The following CSMD3 variants were observed in gnomAD, a reference collection of about 807,000 sequenced individuals.
CSMD3 encodes the protein CUB and Sushi multiple domains 3.
CSMD3 carries 177 observed loss-of-function variants against 435.2 expected under a neutral mutation model. That is an observed-to-expected ratio of 0.41 (90% CI 0.36 to 0.46). The LOEUF (loss-of-function observed/expected upper bound fraction) is 0.46, where lower values mean the gene tolerates loss of function less well. Ranked by LOEUF, CSMD3 falls within the 20% of genes least tolerant of loss-of-function variation. CSMD3 has a pLI of 0.34. For missense variants in CSMD3, 4,265 were observed against 4,504.6 expected, an observed-to-expected ratio of 0.95 and a Z score of 1.52; for synonymous variants, 1,656 against 1,520.5, an observed-to-expected ratio of 1.09 and a Z score of -2.07.
chr8:113,145,737 T>C (rs2091657910), intron 4 of CSMD3, among the ~76,000 whole-genome samples: 1 of 151,582 alleles, frequency 6.6e-6, no homozygotes, highest in South Asian at 2.1e-4. Flanking sequence ...TAGATTTCCA[T>C]TTTCTAGATT....
chr8:112,734,752 G>A (rs1487308512), intron 13 of CSMD3, among the ~76,000 whole-genome samples: 1 of 151,938 alleles, frequency 6.6e-6, no homozygotes, highest in East Asian at 1.9e-4. Flanking sequence ...ATTATTAACT[G>A]TAAATGTGAA....
At chr8:112,947,905 G>GAAAAAAC (rs1299297899) in intron 8 of CSMD3, 28 bp from the exon 9 acceptor site, 1 of 921,728 alleles carries the variant, frequency 1.1e-6, no homozygotes, top group Non-Finnish European at 1.8e-6. Context: ...AAAGAAAAAA[G>GAAAAAAC]AAACAAAATA....
Position 112,947,808 on chromosome 8 carries a change from C to G in CSMD3, c.1490G>C (p.Arg497Thr). 1 of 1,441,316 alleles carries G rather than the reference C, an allele frequency of 6.9e-7. No individual in the cohort carries two copies. The highest frequency in any genetic ancestry group is 9.8e-7 in the Non-Finnish European group (1 of 1,024,666). 89.3% of individuals were successfully genotyped at this position (1,441,316 alleles called of 1,614,324 possible). A position where few individuals can be genotyped will look rare whatever the true frequency, so the allele number is the denominator to read the frequency against. The change falls in exon 9 of 71, where the codon AGA becomes ACA. Residue 497 changes from arginine to threonine, a missense_variant. By Grantham distance (71) the Arg-to-Thr change is moderately conservative. Transcript: ENST00000297405. ...PDPGEPENGK[R>T]IGSDFSLGST... ...ATATTACCTAAAATCTGATCCGATT[C>G]TCTTCCCATTTTCTGGTTCTCCTGG...
intron 38 of CSMD3, among the ~76,000 whole-genome samples, chr8:112,359,815 C>T (rs759674824): frequency 6.6e-6 from 1 of 152,052 alleles, no homozygotes; most frequent in Non-Finnish European, 1.5e-5. Flanking sequence ...GGTCTCCAAG[C>T]ATGCATCATG....
chr8:112,937,029 T>C (rs182001241), intron 9 of CSMD3, among the ~76,000 whole-genome samples: 2 of 152,112 alleles, frequency 1.3e-5, no homozygotes, highest in Non-Finnish European at 2.9e-5. Context: ...AGACAATCTA[T>C]AGAGTGTAGA....
At chr8:113,233,716 A>T (rs1244380283) in intron 3 of CSMD3, among the ~76,000 whole-genome samples, 1 of 151,898 alleles carries the variant, frequency 6.6e-6, no homozygotes, top group African/African-American at 2.4e-5. Flanking sequence ...GAAGGAAAAG[A>T]TAAAAAAATG....
intron 35 of CSMD3, among the ~76,000 whole-genome samples, chr8:112,400,185 G>A (rs1831198765): frequency 2.6e-5 from 4 of 152,170 alleles, no homozygotes; most frequent in Admixed American, 2.6e-4. Context: ...TGTAAAGGCT[G>A]GGAAATCAAA....
chr8:113,280,962 T>C (rs2093608817), intron 2 of CSMD3, among the ~76,000 whole-genome samples: 2 of 152,000 alleles, frequency 1.3e-5, no homozygotes, highest in Admixed American at 1.3e-4. Flanking sequence ...ATTTGCATGG[T>C]ATTGAGGGTT....
intron 10 of CSMD3, among the ~76,000 whole-genome samples, chr8:112,898,956 C>T (rs1374717053): frequency 6.6e-6 from 1 of 151,178 alleles, no homozygotes; most frequent in Non-Finnish European, 1.5e-5. Context: ...GTTTACATTA[C>T]TAACTCTTCA....
rs150754487 is a variant in CSMD3 at position 112,427,441 on chromosome 8, A to G, written c.5396-18409T>C. ...GGGGTTTACTGCCCCTCTCCTTCAC[A>G]CTGCATTTCTCCTATGCTGCCACCA... On this transcript the variant is annotated intron_variant, in intron 32 of 70. Coordinates refer to ENST00000297405, the MANE Select transcript of CSMD3 (RefSeq NM_198123.2). 1.5e-3 allele frequency among the ~76,000 whole-genome samples: 225 copies of G among 152,028 alleles called. 1 individual carries two copies. The highest frequency in any genetic ancestry group is 2.7e-3 in the Non-Finnish European group (182 of 67,964).
At chr8:112,584,234 T>G (rs1253996724) in intron 23 of CSMD3, among the ~76,000 whole-genome samples, 4 of 151,814 alleles carry the variant, frequency 2.6e-5, no homozygotes, top group Non-Finnish European at 5.9e-5. Flanking sequence ...ACTACATTGA[T>G]GGTCATCAGA....
intron 36 of CSMD3, among the ~76,000 whole-genome samples, chr8:112,388,229 G>A (rs1002868632): frequency 6.6e-6 from 1 of 152,078 alleles, no homozygotes; most frequent in Non-Finnish European, 1.5e-5. Flanking sequence ...AGAGCACAAC[G>A]GCATAATCGA....
chr8:113,097,692 A>T (rs902501558), intron 5 of CSMD3, among the ~76,000 whole-genome samples: 2 of 152,076 alleles, frequency 1.3e-5, no homozygotes, highest in African/African-American at 4.8e-5. Context: ...CATCTTGAAG[A>T]ATATTCCAAT....
At chr8:113,161,988 T>G (rs186893696) in intron 4 of CSMD3, among the ~76,000 whole-genome samples, 1 of 152,190 alleles carries the variant, frequency 6.6e-6, no homozygotes, top group Admixed American at 6.5e-5. Context: ...TTTTTTTCAA[T>G]TTTCACCCAT....
At chr8:112,972,677 A>C (rs1806716527) in intron 7 of CSMD3, among the ~76,000 whole-genome samples, 1 of 151,980 alleles carries the variant, frequency 6.6e-6, no homozygotes, top group Admixed American at 6.6e-5. Flanking sequence ...GCCTTTAAAT[A>C]ATTTAAGTAA....
chr8:113,267,536 A>G (rs2093481269), intron 3 of CSMD3, among the ~76,000 whole-genome samples: 1 of 151,706 alleles, frequency 6.6e-6, no homozygotes, highest in Non-Finnish European at 1.5e-5. Context: ...TGTGGGATCT[A>G]AGATATTTGA....
intron 1 of CSMD3, among the ~76,000 whole-genome samples, chr8:113,388,508 G>A (rs1353829242): frequency 6.6e-6 from 1 of 151,462 alleles, no homozygotes; most frequent in Non-Finnish European, 1.5e-5. Flanking sequence ...TTAGCCATTT[G>A]ATTGAATTTG....
rs138646678 is a variant in CSMD3 at position 112,684,806 on chromosome 8, T to C, written c.2482+600A>G. The stretch of plus-strand genomic sequence containing the variant: ...TTACTAAGTAATATGTACTCTGTGC[T>C]AAATTATTCACATGCATCACCTAAT... On this transcript the variant is annotated intron_variant, in intron 15 of 70. Coordinates refer to ENST00000297405, the MANE Select transcript of CSMD3 (RefSeq NM_198123.2). Among the ~76,000 whole-genome samples, 731 of 152,288 alleles carry C rather than the reference T, an allele frequency of 4.8e-3. 10 individuals carry two copies. The highest frequency in any genetic ancestry group is 0.017 in the African/African-American group (706 of 41,590).
At position 113,303,095 on chromosome 8, in the gene CSMD3, C is replaced by A. The variant is rs958689064; in HGVS notation, c.401+11476G>T. Among the ~76,000 whole-genome samples the A allele has an allele frequency of 4.5e-3, 632 of 139,996 alleles. 9 individuals carry two copies. The highest frequency in any genetic ancestry group is 0.017 in the African/African-American group (611 of 36,520). The allele number at this position is 139,996 out of a possible 152,430, so 91.8% of individuals were successfully genotyped here. ...ATACAAAATCAATGTACAAAAATCA[C>A]AAGCATTCTTATACAACAACAACAG... is the stretch of plus-strand genomic sequence containing the variant. On this transcript the variant is annotated intron_variant, in intron 2 of 70. Coordinates refer to ENST00000297405, the MANE Select transcript of CSMD3 (RefSeq NM_198123.2).
Sources: gnomAD v4.1 joint callset for allele counts (sites outside exome capture counted in the v4.1 genomes callset) on GRCh38, gnomAD v4.1.1 for gene constraint, MANE v1.5 for transcripts, NCBI Gene and HGNC (gene_info 2026-07-23, HGNC 2026-07-21) for gene names.